HFM1: variants seen among roughly 807,000 people sequenced by gnomAD.
HFM1 encodes helicase for meiosis 1, also known as probable ATP-dependent DNA helicase HFM1.
Under a neutral mutation model 192.1 loss-of-function variants are expected in HFM1, and 169 were observed. The observed-to-expected ratio is 0.88, with a 90% confidence interval of 0.78 to 1.00. The LOEUF is 1.00. Among genes scored for constraint, HFM1 ranks in the 50% least tolerant of loss-of-function variants. The pLI is 0.00. For missense variants in HFM1, 1,661 were observed against 1,668.0 expected (o/e 1.00, Z 0.07); for synonymous variants, 525 against 537.8 (o/e 0.98, Z 0.33).
chr1:91,293,076 G>A (rs1193138934), intron 30 of HFM1, among the ~76,000 whole-genome samples: 2 of 152,270 alleles, frequency 1.3e-5, no homozygotes, highest in African/African-American at 2.4e-5. Context: ...AGACTTGAAC[G>A]TTAGACCTAA....
At chr1:91,392,323 A>G (rs1429260104) in intron 4 of HFM1, among the ~76,000 whole-genome samples, 2 of 152,248 alleles carry the variant, frequency 1.3e-5, no homozygotes, top group East Asian at 3.8e-4. Flanking sequence ...CACTATTCGC[A>G]ATAGCAAAGA....
At chr1:91,388,746 A>G (rs1465665842) in intron 4 of HFM1, among the ~76,000 whole-genome samples, 1 of 152,222 alleles carries the variant, frequency 6.6e-6, no homozygotes, top group Non-Finnish European at 1.5e-5. Flanking sequence ...AGTGACGCCA[A>G]ATCAGTATTA....
chr1:91,341,453 A>T (rs1655324920), intron 20 of HFM1, among the ~76,000 whole-genome samples: 1 of 152,218 alleles, frequency 6.6e-6, no homozygotes, highest in African/African-American at 2.4e-5. Flanking sequence ...AGAAAAGTTT[A>T]TGGCACTAAA....
Position 91,313,447 on chromosome 1 carries a change from T to C in HFM1, c.3293A>G (p.Lys1098Arg). ...QKLTVFYLEP[K>R]RFGNQITMQR... ...CATAGTGATTTGATTTCCAAACCTC[T>C]TGGGTTCTAAGTAAAAGACTGTAAG... The change falls in exon 30 of 39, where the codon AAG becomes AGG. Residue 1098 changes from lysine to arginine, a missense_variant. Transcript: ENST00000370425. The C allele has an allele frequency of 3.7e-6, 6 of 1,602,444 alleles. No homozygotes were observed. Among genetic ancestry groups the C allele is most frequent in the Non-Finnish European group, 5.1e-6 (6 of 1,173,004 alleles).
At chr1:91,327,410 TG>T (rs1266748642) in intron 20 of HFM1, among the ~76,000 whole-genome samples, 1 of 152,112 alleles carries the variant, frequency 6.6e-6, no homozygotes, top group Non-Finnish European at 1.5e-5. Context: ...CCCAGCTACT[TG>T]GGGGGCTGAG....
chr1:91,401,403 G>C (rs1664293239), intron 1 of HFM1, among the ~76,000 whole-genome samples: 1 of 152,156 alleles, frequency 6.6e-6, no homozygotes, highest in Non-Finnish European at 1.5e-5. Context: ...TCAAGTTATA[G>C]GTCAAATGTC....
chr1:91,306,495 T>C (rs1162246454), intron 30 of HFM1, among the ~76,000 whole-genome samples: 2 of 152,202 alleles, frequency 1.3e-5, no homozygotes, highest in African/African-American at 4.8e-5. Flanking sequence ...TAGTGAATTA[T>C]ATTGATCTAC....
chr1:91,399,680 C>T (rs1664078108), intron 2 of HFM1, among the ~76,000 whole-genome samples: 1 of 152,254 alleles, frequency 6.6e-6, no homozygotes, highest in African/African-American at 2.4e-5. Flanking sequence ...CCTTCAAATG[C>T]CCACTTCTTC....
At chr1:91,405,458 G>A (rs1376211052), upstream of HFM1, among the ~76,000 whole-genome samples, 1 of 152,184 alleles carries the variant, frequency 6.6e-6, no homozygotes, top group South Asian at 2.1e-4. Flanking sequence ...AATCAATGAT[G>A]CTTTTCTTAC....
chr1:91,261,132 C>T lies in HFM1; in HGVS notation c.*158G>A, dbSNP rs892044754. The T allele has an allele frequency of 3.9e-5, 15 of 385,032 alleles. No homozygotes were observed. The highest frequency in any genetic ancestry group is 1.3e-4 in the African/African-American group (6 of 47,812). 23.9% of individuals were successfully genotyped at this position (385,032 alleles called of 1,614,324 possible). The stretch of plus-strand genomic sequence containing the variant: ...GTTACAATATAATGGGAAAATAAAT[C>T]GGCCCATACATTTTGTTGCAAAAAG... On this transcript the variant is annotated 3_prime_UTR_variant, in exon 39 of 39. Transcript: ENST00000370425.
intron 20 of HFM1, chr1:91,329,431 C>T: frequency 6.4e-7 from 1 of 1,570,138 alleles, no homozygotes; most frequent in South Asian, 1.2e-5. Context: ...TCACTCTCTT[C>T]AGCTAAGTGC....
At chr1:91,328,225 C>T in intron 20 of HFM1, 1 of 495,420 alleles carries the variant, frequency 2.0e-6, no homozygotes, top group Non-Finnish European at 3.4e-6. Flanking sequence ...TTTAGCCAGA[C>T]TAAGAAGAAA....
rs1662463554 is a variant in HFM1, at chr1:91,387,985, C to T, written c.495-2151G>A. Among the ~76,000 whole-genome samples, 4 of 143,584 alleles carry T rather than the reference C, an allele frequency of 2.8e-5. No homozygotes were observed. In the South Asian group the frequency reaches 6.7e-4, roughly 24 times the overall value. The allele number at this position is 143,584 out of a possible 152,430, so 94.2% of individuals were successfully genotyped here. ...AAACAAACAAAAAAAAGAAATAGAA[C>T]CTCCATTAAAATGCCTAAACAACAG... On this transcript the variant is annotated intron_variant, in intron 4 of 38. Transcript: ENST00000370425.
rs1272395486 is a variant in HFM1, at chr1:91,343,244, A to AAC, written c.2335+185_2335+186insGT. ...AGACTCTGTCTCAAAAAAAAAAAAA[A>AAC]AAAAAAAAACTATTACAAATAGGAC... is the stretch of plus-strand genomic sequence containing the variant. On this transcript the variant is annotated intron_variant, in intron 20 of 38. Transcript: ENST00000370425. Among the ~76,000 whole-genome samples the AAC allele has an allele frequency of 1.4e-3, 207 of 150,942 alleles. 1 individual carries two copies. The highest frequency in any genetic ancestry group is 2.5e-3 in the Admixed American group (38 of 15,152).
At chr1:91,289,689 G>A (rs377095016) in intron 30 of HFM1, among the ~76,000 whole-genome samples, 32 of 152,152 alleles carry the variant, frequency 2.1e-4, no homozygotes, top group Admixed American at 8.5e-4. Flanking sequence ...GCGAAACCCC[G>A]TCTCTACCAA....
At chr1:91,311,963 C>T (rs1263659653) in intron 30 of HFM1, among the ~76,000 whole-genome samples, 2 of 152,182 alleles carry the variant, frequency 1.3e-5, no homozygotes, top group Non-Finnish European at 2.9e-5. Context: ...CCAGCTGTGG[C>T]TTCAAGGCTT....
intron 30 of HFM1, among the ~76,000 whole-genome samples, chr1:91,285,086 G>A (rs1667821514): frequency 1.3e-5 from 2 of 152,042 alleles, no homozygotes; most frequent in Non-Finnish European, 2.9e-5. Context: ...TCTCTTGTCT[G>A]CCACCATGTA....
intron 20 of HFM1, among the ~76,000 whole-genome samples, chr1:91,335,684 C>G (rs778661136): frequency 7.9e-5 from 12 of 151,984 alleles, no homozygotes; most frequent in Non-Finnish European, 1.2e-4. Flanking sequence ...AATATTCTAA[C>G]AGGAAATTCA....
At chr1:91,297,508 TA>T (rs1206791445) in intron 30 of HFM1, among the ~76,000 whole-genome samples, 1 of 152,030 alleles carries the variant, frequency 6.6e-6, no homozygotes, top group Non-Finnish European at 1.5e-5. Context: ...GTGGGTCCCT[TA>T]CCCCCAAGTA....
Sources: gnomAD v4.1 joint callset for allele counts (sites outside exome capture counted in the v4.1 genomes callset) on GRCh38, gnomAD v4.1.1 for gene constraint, MANE v1.5 for transcripts, NCBI Gene and HGNC (gene_info 2026-07-23, HGNC 2026-07-21) for gene names.